SAMD12: variants seen among roughly 807,000 people sequenced by gnomAD.
SAMD12 encodes sterile alpha motif domain-containing protein 12.
In SAMD12, 9 loss-of-function variants were observed where a neutral mutation model predicts 15.0. The ratio of observed to expected loss-of-function variants is 0.60; its 90% CI spans 0.36 to 1.05. The LOEUF is 1.05. Ranked by LOEUF, SAMD12 falls within the 50% of genes least tolerant of loss-of-function variation. SAMD12 has a pLI of 0.01. For missense variants in SAMD12, 230 were observed against 234.2 expected (o/e 0.98, Z 0.12); for synonymous variants, 86 against 90.1 (o/e 0.96, Z 0.25).
At chr8:118,555,009 T>C (rs1826482055) in intron 2 of SAMD12, among the ~76,000 whole-genome samples, 1 of 152,218 alleles carries the variant, frequency 6.6e-6, no homozygotes, top group African/African-American at 2.4e-5. Flanking sequence ...TTTTCCATGT[T>C]TGTGCATTTG....
chr8:118,367,152 C>T (rs548714387), intron 4 of SAMD12, among the ~76,000 whole-genome samples: 153 of 151,872 alleles, frequency 1.0e-3, no homozygotes, highest in Non-Finnish European at 1.6e-3. Flanking sequence ...TGCCAGACAC[C>T]GAGAATTGGT....
At chr8:118,426,207 T>C (rs1822231330) in intron 3 of SAMD12, among the ~76,000 whole-genome samples, 2 of 152,266 alleles carry the variant, frequency 1.3e-5, no homozygotes, top group African/African-American at 4.8e-5. Context: ...TGTCCTTTGA[T>C]GTGCTAGGCA....
rs557603340 is a variant in SAMD12 at position 118,438,419 on chromosome 8, A to AT, written c.322+1412_322+1413insA. ...ATTTAGTGCTTAAATGTTTAAAAAA[A>AT]ATTTTTTTTAATCAATCAAGTTTTC... On this transcript the variant is annotated intron_variant, in intron 3 of 3. Transcript: ENST00000314727. 1.5e-3 allele frequency among the ~76,000 whole-genome samples: 110 copies of AT among 71,280 alleles called. No homozygotes were observed. In the Middle Eastern group the frequency reaches 0.056, roughly 37 times the overall value. 46.8% of individuals were successfully genotyped at this position (71,280 alleles called of 152,430 possible). A position where few individuals can be genotyped will look rare whatever the true frequency, so the allele number is the denominator to read the frequency against.
At chr8:118,604,246 GT>G (rs1322470246) in intron 1 of SAMD12, among the ~76,000 whole-genome samples, 1 of 152,038 alleles carries the variant, frequency 6.6e-6, no homozygotes, top group African/African-American at 2.4e-5. Flanking sequence ...ACAATACTTG[GT>G]ATACAAGTAA....
chr8:118,314,647 T>C (rs1277855297), intron 4 of SAMD12, among the ~76,000 whole-genome samples: 1 of 152,216 alleles, frequency 6.6e-6, no homozygotes, highest in South Asian at 2.1e-4. Context: ...ATAGAGTATA[T>C]AACCTTTTGA....
intron 2 of SAMD12, among the ~76,000 whole-genome samples, chr8:118,454,245 A>G (rs563650953): frequency 6.6e-6 from 1 of 152,362 alleles, no homozygotes; most frequent in East Asian, 1.9e-4. Context: ...CTGAAAAAAC[A>G]ATCCCTCACA....
At chr8:118,494,699 T>TAGTC (rs56889166) in intron 2 of SAMD12, among the ~76,000 whole-genome samples, 1 of 151,916 alleles carries the variant, frequency 6.6e-6, no homozygotes, top group Non-Finnish European at 1.5e-5. Flanking sequence ...CTCAAGGAGT[T>TAGTC]AGTCAGTCCT....
intron 3 of SAMD12, among the ~76,000 whole-genome samples, chr8:118,401,038 C>A (rs1280548935): frequency 6.6e-6 from 1 of 152,190 alleles, no homozygotes. Context: ...AATTAGATGG[C>A]ACCATCCTTA....
At chr8:118,619,370 T>C (rs1388320435) in intron 1 of SAMD12, among the ~76,000 whole-genome samples, 11 of 151,224 alleles carry the variant, frequency 7.3e-5, no homozygotes, top group African/African-American at 2.7e-4. Context: ...TCCCAGCTAC[T>C]TGGGAGGCTG....
intron 4 of SAMD12, among the ~76,000 whole-genome samples, chr8:118,263,233 A>C (rs991952780): frequency 1.3e-5 from 2 of 152,138 alleles, no homozygotes; most frequent in African/African-American, 4.8e-5. Context: ...AAGTTTTAAG[A>C]ATAAAACCTC....
intron 3 of SAMD12, among the ~76,000 whole-genome samples, chr8:118,396,272 T>C (rs1204455597): frequency 6.6e-6 from 1 of 152,180 alleles, no homozygotes; most frequent in Non-Finnish European, 1.5e-5. Flanking sequence ...TTAATCACTC[T>C]GAGTTTTCTA....
chr8:118,379,303 C>G lies in SAMD12; in HGVS notation c.*114G>C. 1 of 1,478,648 alleles carries G rather than the reference C, an allele frequency of 6.8e-7. No homozygotes were observed. The highest frequency in any genetic ancestry group is 8.9e-7 in the Non-Finnish European group (1 of 1,119,132). 91.6% of individuals were successfully genotyped at this position (1,478,648 alleles called of 1,614,324 possible). A position where few individuals can be genotyped will look rare whatever the true frequency, so the allele number is the denominator to read the frequency against. On this transcript the variant is annotated 3_prime_UTR_variant, in exon 4 of 4. Coordinates refer to ENST00000314727, the MANE Select transcript of SAMD12 (RefSeq NM_207506.3). ...GTTGTGCAGTACACAATCCATACAA[C>G]TGTACGTGACCACCTTGAAGTTAGC...
intron 4 of SAMD12, among the ~76,000 whole-genome samples, chr8:118,370,700 T>C (rs1260125155): frequency 6.6e-6 from 1 of 152,128 alleles, no homozygotes; most frequent in Non-Finnish European, 1.5e-5. Context: ...AACCAAATAC[T>C]TCATGTTCTA....
chr8:118,194,083 G>A (rs1819486312), exon 5 of SAMD12: 1 of 152,136 alleles, frequency 6.6e-6, no homozygotes, highest in African/African-American at 2.4e-5. Context: ...TCAATTATGT[G>A]ACATTTGCAG....
Position 118,530,607 on chromosome 8 carries a change from G to A in SAMD12, c.192+50108C>T, listed in dbSNP as rs568557960. On this transcript the variant is annotated intron_variant, in intron 2 of 3. Coordinates refer to ENST00000314727, the MANE Select transcript of SAMD12 (RefSeq NM_207506.3). ...TATAAGCTCTGTATATTAGTTCTTT[G>A]TCATATGCATACTTTGCAAGTATTT... Among the ~76,000 whole-genome samples, 38 of 152,196 alleles carry A rather than the reference G, an allele frequency of 2.5e-4. No homozygotes were observed. In the South Asian group the frequency reaches 5.8e-3, roughly 23 times the overall value.
At chr8:118,134,775 C>G in the SAMD12 span, among the ~76,000 whole-genome samples, 1 of 152,200 alleles carries the variant, frequency 6.6e-6, no homozygotes, top group Non-Finnish European at 1.5e-5. Flanking sequence ...CATTAGTCTT[C>G]CAAGGAATCG....
At chr8:118,315,849 G>A (rs1193524868) in intron 4 of SAMD12, among the ~76,000 whole-genome samples, 1 of 152,068 alleles carries the variant, frequency 6.6e-6, no homozygotes, top group Non-Finnish European at 1.5e-5. Flanking sequence ...GTTGGTGGGG[G>A]CAGCATCTGC....
At chr8:118,597,057 T>C (rs1827741125) in intron 1 of SAMD12, among the ~76,000 whole-genome samples, 2 of 152,066 alleles carry the variant, frequency 1.3e-5, no homozygotes, top group South Asian at 2.1e-4. Flanking sequence ...GGGACGGTGA[T>C]ACACTGAAGC....
intron 4 of SAMD12, among the ~76,000 whole-genome samples, chr8:118,314,478 A>C (rs7009206): frequency 0.48 from 72,552 of 151,944 alleles, 19,890 homozygotes; most frequent in African/African-American, 0.77. Flanking sequence ...TTTGTGTAAC[A>C]AAGATACAGA....
Sources: gnomAD v4.1 joint callset for allele counts (sites outside exome capture counted in the v4.1 genomes callset) on GRCh38, gnomAD v4.1.1 for gene constraint, MANE v1.5 for transcripts, NCBI Gene and HGNC (gene_info 2026-07-23, HGNC 2026-07-21) for gene names.